Variants in PKD1 observed in about 807,000 individuals in gnomAD.
The protein encoded by PKD1 is polycystin-1.
A neutral mutation model predicts 361.7 loss-of-function variants in PKD1; 81 were observed. The ratio of observed to expected loss-of-function variants is 0.22; its 90% CI spans 0.19 to 0.27. The LOEUF (loss-of-function observed/expected upper bound fraction) is 0.27. PKD1 is among the 10% of genes least tolerant of loss of function. The probability of loss-of-function intolerance (pLI) is 1.00; values close to 1 mark genes in which losing one functional copy is unlikely to be tolerated. For missense variants in PKD1, 6,399 were observed against 6,118.3 expected (o/e 1.05, Z -1.53); for synonymous variants, 3,615 against 2,818.3 (o/e 1.28, Z -8.95).
At chr16:2,091,307 G>GGGCCCTGC (rs2091543697) in intron 42 of PKD1, 116 bp downstream of exon 42, 5 of 437,442 alleles carry the variant, frequency 1.1e-5, no homozygotes, top group Admixed American at 6.0e-5. Context: ...CGAGGGGGCG[G>GGGCCCTGC]GACGCTGCGA....
In PKD1 at chr16:2,106,360, G is replaced by C; in HGVS notation, c.7489+38C>G. Reference sequence around the variant, plus strand: ...GGGCTCCGTGACGTCACAGAGTCGGGGGATCCCGCTGCTCCCCCCACGCAG... The same window carrying C: ...GGGCTCCGTGACGTCACAGAGTCGGCGGATCCCGCTGCTCCCCCCACGCAG... On this transcript the variant is annotated intron_variant, in intron 18 of 45. Transcript: ENST00000262304. The surrounding 1 kb of genome is among the most constrained non-coding windows in gnomAD (Gnocchi z 6.5). The C allele has an allele frequency of 6.2e-7, 1 of 1,600,498 alleles. No homozygotes were observed. The highest frequency in any genetic ancestry group is 1.1e-5 in the South Asian group (1 of 89,972).
In PKD1 at chr16:2,135,684, C is replaced by A. The variant is rs1454154603; in HGVS notation, c.6G>T (p.Pro2=). M[P]PAAPARLALA... ...GCGCCAGGCGGGCGGGCGCGGCGGGCGGCATCGTTAGGGCAGCGCGCGCAT... is the reference window on the plus strand; with the variant it reads ...GCGCCAGGCGGGCGGGCGCGGCGGGAGGCATCGTTAGGGCAGCGCGCGCAT... Residue 2 remains proline (P), a synonymous_variant, in exon 1 of 46, where the codon CCG becomes CCT. Coordinates refer to ENST00000262304, the MANE Select transcript of PKD1 (RefSeq NM_001009944.3). 15 of 795,574 alleles carry A rather than the reference C, an allele frequency of 1.9e-5. No individual in the cohort carries two copies. The highest frequency in any genetic ancestry group is 1.3e-4 in the African/African-American group (7 of 53,166). 49.3% of individuals were successfully genotyped at this position (795,574 alleles called of 1,614,324 possible).
intron 34 of PKD1, among the ~76,000 whole-genome samples, chr16:2,096,549 CTT>C (rs2091856811): frequency 6.6e-6 from 1 of 151,994 alleles, no homozygotes. Context: ...GAGTTTCGCT[CTT>C]GTTGCCCAGG....
intron 1 of PKD1, among the ~76,000 whole-genome samples, chr16:2,130,901 C>G (rs1441788263): frequency 6.6e-6 from 1 of 152,182 alleles, no homozygotes; most frequent in South Asian, 2.1e-4. Context: ...CCAGCATTTG[C>G]GAGACAGCAG....
intron 14 of PKD1, 149 bp from the exon 15 acceptor site, chr16:2,112,020 G>C (rs1382911685): frequency 1.5e-5 from 13 of 854,864 alleles, no homozygotes; most frequent in Non-Finnish European, 2.3e-5. Flanking sequence ...CCACGTGCGG[G>C]ACGGAGCACA....
rs200214266 is a variant in PKD1 at position 2,100,258 on chromosome 16, G to A, written c.9620C>T (p.Thr3207Met). The A allele has an allele frequency of 6.0e-5, 97 of 1,610,546 alleles. 1 individual carries two copies. The highest frequency in any genetic ancestry group is 2.2e-4 in the Middle Eastern group (1 of 4,452). Residue 3207 changes from threonine to methionine, a missense_variant, in exon 28 of 46, where the codon ACG becomes ATG. Thr to Met is a moderately conservative substitution (Grantham distance 81). Coordinates refer to ENST00000262304, the MANE Select transcript of PKD1 (RefSeq NM_001009944.3). The surrounding 1 kb of genome is among the most constrained non-coding windows in gnomAD (Gnocchi z 4.4). ...GACCAGGAAGAAGGCGCTGCGTGCCGTCTGCAGGTCCCTGACGATGACGTG... is the reference window on the plus strand; with the variant it reads ...GACCAGGAAGAAGGCGCTGCGTGCCATCTGCAGGTCCCTGACGATGACGTG... ...LQHVIVRDLQ[T>M]ARSAFFLVND...
In PKD1 at chr16:2,099,867, G is replaced by A. The variant is rs772714161; in HGVS notation, c.9917C>T (p.Ala3306Val). 2 of 1,567,074 alleles carry A rather than the reference G, an allele frequency of 1.3e-6. No homozygotes were observed. The highest frequency in any genetic ancestry group is 1.7e-6 in the Non-Finnish European group (2 of 1,157,312). ...CGACCCCTACGGCACCCACCTGTAG[G>A]CAGAGTCGCCAACAGCCCCGTACCA... ...AVWYGAVGDS[A>V]YSTGHVSRLS... Residue 3306 changes from alanine to valine, a missense_variant, in exon 29 of 46, where the codon GCC (alanine) becomes GTC (valine). Transcript: ENST00000262304.
In PKD1 at chr16:2,090,112, G is replaced by T; in HGVS notation, c.12527C>A (p.Pro4176His). 6.2e-7 allele frequency: 1 copy of T among 1,602,500 alleles called. No homozygotes were observed. Among genetic ancestry groups the T allele is most frequent in the Non-Finnish European group, 8.5e-7 (1 of 1,173,326 alleles). ...GGCATCGGAGCCAGCGCTGGGTGGG[G>T]GCACATCCGGGGATACCTTGGAGCC... ...SRGSKVSPDVPPPSAGSDASH... is the reference protein window; with the variant it reads ...SRGSKVSPDVHPPSAGSDASH... The change falls in exon 46 of 46, where the codon CCC becomes CAC. Residue 4176 changes from proline (P) to histidine (H), a missense_variant. Pro to His is a moderately conservative substitution (Grantham distance 77). Coordinates refer to ENST00000262304, the MANE Select transcript of PKD1 (RefSeq NM_001009944.3).
At chr16:2,120,882 C>G (rs1205584024) in intron 1 of PKD1, among the ~76,000 whole-genome samples, 22 of 151,934 alleles carry the variant, frequency 1.4e-4, no homozygotes, top group Admixed American at 3.3e-4. Flanking sequence ...CCGGGCATGG[C>G]GGCGGGAGCC....
At chr16:2,105,594 G>A (rs2092309888) in intron 20 of PKD1, 120 bp from the exon 21 acceptor site, 3 of 1,588,104 alleles carry the variant, frequency 1.9e-6, no homozygotes, top group Admixed American at 1.7e-5. Context: ...TGCGGGCACT[G>A]ACCCACAACA....
chr16:2,097,063 A>C (rs2091878212), intron 34 of PKD1, 85 bp downstream of exon 34: 5 of 780,536 alleles, frequency 6.4e-6, no homozygotes, highest in Admixed American at 2.1e-5. Context: ...ACCCCACCCT[A>C]CCCCAGGCGG....
intron 26 of PKD1, among the ~76,000 whole-genome samples, chr16:2,101,574 T>C (rs1227629999): frequency 2.0e-5 from 3 of 152,090 alleles, no homozygotes; most frequent in African/African-American, 4.8e-5. Context: ...GCCAAGATCA[T>C]GCCATTGCAC....
chr16:2,106,131 C>A lies in PKD1; in HGVS notation c.7663G>T (p.Val2555Leu). The change falls in exon 19 of 46, where the codon GTG becomes TTG. Residue 2555 changes from valine (V) to leucine (L), a missense_variant. By Grantham distance (32) the Val-to-Leu change is conservative (BLOSUM62 1). Coordinates refer to ENST00000262304, the MANE Select transcript of PKD1 (RefSeq NM_001009944.3). The surrounding 1 kb of genome is among the most constrained non-coding windows in gnomAD (Gnocchi z 6.5). ...PHFEVGLAVV[V>L]QDQLGAAVVA... Reference sequence around the variant, plus strand: ...ACAGCGGCTCCCAGCTGGTCCTGCACCACCACGGCCAGGCCCACCTCGAAG... The same window carrying A: ...ACAGCGGCTCCCAGCTGGTCCTGCAACACCACGGCCAGGCCCACCTCGAAG... 1.2e-6 allele frequency: 2 copies of A among 1,605,856 alleles called. No individual in the cohort carries two copies. The highest frequency in any genetic ancestry group is 1.7e-6 in the Non-Finnish European group (2 of 1,177,284).
At position 2,123,787 on chromosome 16, in the gene PKD1, C is replaced by T. The variant is rs1257622075; in HGVS notation, c.216-4409G>A. On this transcript the variant is annotated intron_variant, in intron 1 of 45. Coordinates refer to ENST00000262304, the MANE Select transcript of PKD1 (RefSeq NM_001009944.3). Reference sequence around the variant, plus strand: ...CCTTGCTGCCCCACGCACTCCTCACCCCAGTTCCTGCTATGAGCTGGAAGG... The same window carrying T: ...CCTTGCTGCCCCACGCACTCCTCACTCCAGTTCCTGCTATGAGCTGGAAGG... Among the ~76,000 whole-genome samples, 10 of 152,196 alleles carry T rather than the reference C, an allele frequency of 6.6e-5. 1 individual carries two copies. The highest frequency in any genetic ancestry group is 1.5e-4 in the Non-Finnish European group (10 of 68,020).
intron 11 of PKD1, 194 bp from the exon 12 acceptor site, chr16:2,113,486 G>A: frequency 3.2e-6 from 2 of 633,594 alleles, no homozygotes; most frequent in South Asian, 1.8e-5. Flanking sequence ...AGCCAGCCAT[G>A]TAGTACTACT....
intron 1 of PKD1, among the ~76,000 whole-genome samples, chr16:2,129,169 T>G (rs573770516): frequency 0.014 from 2,060 of 150,310 alleles, 37 homozygotes; most frequent in African/African-American, 0.046. Context: ...CCTGTTTTTT[T>G]TTTTTTTTTT....
Position 2,093,552 on chromosome 16 carries a change from T to C in PKD1, c.11008A>G (p.Met3670Val). 3 of 1,601,952 alleles carry C rather than the reference T, an allele frequency of 1.9e-6. No individual in the cohort carries two copies. Among genetic ancestry groups the C allele is most frequent in the South Asian group, 2.2e-5 (2 of 89,054 alleles). The change falls in exon 37 of 46, where the codon ATG (methionine) becomes GTG (valine). Residue 3670 changes from methionine to valine, a missense_variant. Coordinates refer to ENST00000262304, the MANE Select transcript of PKD1 (RefSeq NM_001009944.3). ...GCCGCACCCAGGCTCACCCGCAGCA[T>C]GCCATGTAGCCTCTTGACCTTGCGG... Reference protein sequence around the residue: ...EARKVKRLHGMLRSLLVYMLF... With the variant: ...EARKVKRLHGVLRSLLVYMLF...
Position 2,103,755 on chromosome 16 carries a change from C to T in PKD1, c.8302G>A (p.Val2768Met), listed in dbSNP as rs1456510041. Residue 2768 changes from valine (V) to methionine (M), a missense_variant, in exon 23 of 46, where the codon GTG becomes ATG. Coordinates refer to ENST00000262304, the MANE Select transcript of PKD1 (RefSeq NM_001009944.3). ...ALMRILMRSR[V>M]LNEEPLTLAG... ...AGCGTCAGGGGCTCCTCGTTGAGCA[C>T]GCGGGAGCGCATGAGGATGCGCATG... The T allele has an allele frequency of 5.6e-6, 9 of 1,609,856 alleles. No individual in the cohort carries two copies. The highest frequency in any genetic ancestry group is 3.3e-5 in the South Asian group (3 of 90,956).
intron 38 of PKD1, 85 bp from the exon 39 acceptor site, chr16:2,092,677 G>C: frequency 2.0e-6 from 2 of 998,184 alleles, no homozygotes; most frequent in Non-Finnish European, 3.1e-6. Flanking sequence ...CAGGGAACAT[G>C]GCTCCCACTG....
Sources: gnomAD v4.1 joint callset for allele counts (sites outside exome capture counted in the v4.1 genomes callset) on GRCh38, gnomAD v4.1.1 for gene constraint, Gnocchi (gnomAD v3.1) non-coding constraint, MANE v1.5 for transcripts, NCBI Gene and HGNC (gene_info 2026-07-23, HGNC 2026-07-21) for gene names.